Variants in COL28A1 observed in about 807,000 individuals in gnomAD.
COL28A1 encodes collagen type XXVIII alpha 1 chain.
A neutral mutation model predicts 150.2 loss-of-function variants in COL28A1; 161 were observed. The ratio of observed to expected loss-of-function variants is 1.07; its 90% CI spans 0.94 to 1.22. COL28A1 has a LOEUF of 1.22. Ranked by LOEUF, COL28A1 falls within the 50% of genes most tolerant of loss-of-function variation. The pLI is 0.00. For missense variants in COL28A1, 1,617 were observed against 1,388.3 expected, an observed-to-expected ratio of 1.16 and a Z score of -2.62; for synonymous variants, 552 against 469.7, an observed-to-expected ratio of 1.18 and a Z score of -2.26.
intron 11 of COL28A1, among the ~76,000 whole-genome samples, chr7:7,492,678 G>T (rs779822956): frequency 1.3e-5 from 2 of 150,080 alleles, no homozygotes; most frequent in Non-Finnish European, 3.0e-5. Flanking sequence ...AGTCAAACCA[G>T]CTCCCCAGAA....
intron 27 of COL28A1, among the ~76,000 whole-genome samples, chr7:7,416,783 T>C (rs1784102322): frequency 6.6e-6 from 1 of 152,236 alleles, no homozygotes; most frequent in Non-Finnish European, 1.5e-5. Flanking sequence ...CTATGAGTTC[T>C]GCTCTTGACT....
chr7:7,440,774 A>T lies in COL28A1; in HGVS notation c.1722+16T>A. The T allele has an allele frequency of 8.6e-7, 1 of 1,166,964 alleles. No individual in the cohort carries two copies. The highest frequency in any genetic ancestry group is 1.3e-6 in the Non-Finnish European group (1 of 783,432). 72.3% of individuals were successfully genotyped at this position (1,166,964 alleles called of 1,614,324 possible). On this transcript the variant is annotated intron_variant, in intron 21 of 34. Coordinates refer to ENST00000399429, the MANE Select transcript of COL28A1 (RefSeq NM_001037763.3). ...ACAAACTCCTCAAAGCGTAAGTCAGAATACAAGAAACATACCTTTGGTCCT... is the reference window on the plus strand; with the variant it reads ...ACAAACTCCTCAAAGCGTAAGTCAGTATACAAGAAACATACCTTTGGTCCT...
At chr7:7,478,034 A>G (rs772973578) in intron 13 of COL28A1, among the ~76,000 whole-genome samples, 2 of 152,240 alleles carry the variant, frequency 1.3e-5, no homozygotes, top group Non-Finnish European at 2.9e-5. Flanking sequence ...TGAGCTAGAC[A>G]GAGTGCTGAT....
At chr7:7,372,358 C>A (rs910942212) in intron 32 of COL28A1, among the ~76,000 whole-genome samples, 1 of 151,254 alleles carries the variant, frequency 6.6e-6, no homozygotes, top group African/African-American at 2.4e-5. Context: ...GAGATCACAC[C>A]ACAGCACTCC....
intron 13 of COL28A1, among the ~76,000 whole-genome samples, chr7:7,479,066 TGAGGGCTGC>T (rs1396160581): frequency 6.6e-6 from 1 of 152,210 alleles, no homozygotes; most frequent in Non-Finnish European, 1.5e-5. Flanking sequence ...CAAGAGCAAG[TGAGGGCTGC>T]GAGGGCTGCC....
the COL28A1 span, among the ~76,000 whole-genome samples, chr7:7,341,734 C>T: frequency 6.6e-6 from 1 of 151,958 alleles, no homozygotes; most frequent in African/African-American, 2.4e-5. Context: ...AAATGTGTTT[C>T]TTCATTTATA....
chr7:7,499,975 C>T (rs1365135081), intron 11 of COL28A1, among the ~76,000 whole-genome samples: 1 of 152,162 alleles, frequency 6.6e-6, no homozygotes, highest in Non-Finnish European at 1.5e-5. Flanking sequence ...ACAAATTAAA[C>T]CCCAAGTCTT....
chr7:7,525,050 A>G (rs1213161812), intron 3 of COL28A1, among the ~76,000 whole-genome samples: 1 of 152,208 alleles, frequency 6.6e-6, no homozygotes, highest in Non-Finnish European at 1.5e-5. Flanking sequence ...AACTTAGGGG[A>G]AAAACTAAGT....
chr7:7,431,519 G>C (rs1452502330), intron 25 of COL28A1: 1 of 471,098 alleles, frequency 2.1e-6, no homozygotes, highest in Non-Finnish European at 4.4e-6. Flanking sequence ...ATCCTGGCGA[G>C]TCCCTGATGC....
At position 7,440,802 on chromosome 7, in the gene COL28A1, G is replaced by A. The variant is rs375720751; in HGVS notation, c.1710C>T (p.Pro570=). 26 of 1,482,070 alleles carry A rather than the reference G, an allele frequency of 1.8e-5. No homozygotes were observed. The highest frequency in any genetic ancestry group is 2.2e-5 in the Non-Finnish European group (23 of 1,061,792). The allele number at this position is 1,482,070 out of a possible 1,614,324, so 91.8% of individuals were successfully genotyped here. Residue 570 remains proline (P), a synonymous_variant, in exon 21 of 35, where the codon CCC becomes CCT. Coordinates refer to ENST00000399429, the MANE Select transcript of COL28A1 (RefSeq NM_001037763.3). ...GNQGQRGLPG[P]EGPKGEPGIM... is the part of the protein sequence containing the mutation. ...ACAAGAAACATACCTTTGGTCCTTC[G>A]GGCCCTGGAAGTCCCCTCTGTCCTT...
At chr7:7,492,905 G>A (rs1780000982) in intron 11 of COL28A1, among the ~76,000 whole-genome samples, 1 of 150,076 alleles carries the variant, frequency 6.7e-6, no homozygotes, top group Non-Finnish European at 1.5e-5. Context: ...GCAGCCAGTT[G>A]ACTGACATTC....
At chr7:7,409,636 A>G (rs1783673733) in intron 27 of COL28A1, among the ~76,000 whole-genome samples, 1 of 152,216 alleles carries the variant, frequency 6.6e-6, no homozygotes, top group African/African-American at 2.4e-5. Flanking sequence ...AGCACATGGT[A>G]CTGAACAATG....
chr7:7,344,353 T>C, the COL28A1 span, among the ~76,000 whole-genome samples: 30 of 152,206 alleles, frequency 2.0e-4, no homozygotes, highest in Non-Finnish European at 2.4e-4. Context: ...TGAAGTAATT[T>C]TTAGTGTGCC....
rs990145315 is a variant in COL28A1, at chr7:7,374,940, C to G, written c.2359+521G>C. The stretch of plus-strand genomic sequence containing the variant: ...CTTCCTCTTTCTGGTAATTCTAAGT[C>G]TACCATTCAGTCATGGAAGCATTTA... On this transcript the variant is annotated intron_variant, in intron 31 of 34. Coordinates refer to ENST00000399429, the MANE Select transcript of COL28A1 (RefSeq NM_001037763.3). Among the ~76,000 whole-genome samples the G allele has an allele frequency of 7.9e-5, 12 of 152,252 alleles. No individual in the cohort carries two copies. In the South Asian group the frequency reaches 2.3e-3, roughly 29 times the overall value.
chr7:7,388,704 T>C (rs1782352176), intron 27 of COL28A1, among the ~76,000 whole-genome samples: 1 of 152,192 alleles, frequency 6.6e-6, no homozygotes, highest in African/African-American at 2.4e-5. Context: ...CCATTCTAAC[T>C]GGTGTGAGAT....
At chr7:7,390,687 C>A (rs920474241) in intron 27 of COL28A1, among the ~76,000 whole-genome samples, 1 of 152,124 alleles carries the variant, frequency 6.6e-6, no homozygotes, top group South Asian at 2.1e-4. Context: ...TTGGTCTGTT[C>A]GAGGATTCAA....
intron 12 of COL28A1, among the ~76,000 whole-genome samples, 197 bp from the exon 13 acceptor site, chr7:7,489,654 T>C (rs1779812672): frequency 6.6e-6 from 1 of 152,196 alleles, no homozygotes; most frequent in Non-Finnish European, 1.5e-5. Flanking sequence ...GTTTATTATC[T>C]CTTCTTGTCC....
Position 7,436,269 on chromosome 7 carries a change from G to T in COL28A1, c.1860+126C>A, listed in dbSNP as rs1038877563. On this transcript the variant is annotated intron_variant, in intron 23 of 34. Coordinates refer to ENST00000399429, the MANE Select transcript of COL28A1 (RefSeq NM_001037763.3). ...CTTGTTTTTTTAAAAAAAGGGAATA[G>T]CTATATTCTTACATTTTAGTTAATC... The T allele has an allele frequency of 9.3e-5, 65 of 700,694 alleles. No homozygotes were observed. The African/African-American group carries it at 1.2e-3, about 13-fold the overall frequency. The allele number at this position is 700,694 out of a possible 1,614,324, so 43.4% of individuals were successfully genotyped here. A position where few individuals can be genotyped will look rare whatever the true frequency, so the allele number is the denominator to read the frequency against.
intron 18 of COL28A1, among the ~76,000 whole-genome samples, chr7:7,448,028 T>C (rs1271290236): frequency 6.6e-6 from 1 of 152,196 alleles, no homozygotes; most frequent in Non-Finnish European, 1.5e-5. Context: ...AGCATGCCAC[T>C]GCACTTCAGC....
Sources: gnomAD v4.1 joint callset for allele counts (sites outside exome capture counted in the v4.1 genomes callset) on GRCh38, gnomAD v4.1.1 for gene constraint, MANE v1.5 for transcripts, NCBI Gene and HGNC (gene_info 2026-07-23, HGNC 2026-07-21) for gene names.